The following SP140L variants were observed in gnomAD, a reference collection of about 807,000 sequenced individuals.
SP140L encodes nuclear body protein SP140-like protein.
Under a neutral mutation model 84.3 loss-of-function variants are expected in SP140L, and 64 were observed. That is an observed-to-expected ratio of 0.76 (90% CI 0.62 to 0.94). SP140L has a LOEUF of 0.94. Among genes scored for constraint, SP140L ranks in the 40% least tolerant of loss-of-function variants. SP140L has a pLI of 0.00. For synonymous variants in SP140L, 242 were observed against 236.9 expected, an observed-to-expected ratio of 1.02 and a Z score of -0.20; for missense variants, 628 against 692.5, an observed-to-expected ratio of 0.91 and a Z score of 1.05.
At chr2:230,390,591 T>C (rs1365448786) in intron 11 of SP140L, among the ~76,000 whole-genome samples, 1 of 152,206 alleles carries the variant, frequency 6.6e-6, no homozygotes, top group Non-Finnish European at 1.5e-5. Context: ...GTAAAATATT[T>C]TACGATTGAA....
At chr2:230,342,765 A>G (rs2060094646) in intron 2 of SP140L, among the ~76,000 whole-genome samples, 1 of 151,930 alleles carries the variant, frequency 6.6e-6, no homozygotes, top group Admixed American at 6.6e-5. Flanking sequence ...ATAAGTTTTA[A>G]GTTCTGTCTC....
At chr2:230,343,476 T>G (rs948670800) in intron 2 of SP140L, among the ~76,000 whole-genome samples, 3 of 147,916 alleles carry the variant, frequency 2.0e-5, no homozygotes, top group African/African-American at 7.5e-5. Context: ...CTTTATCCAG[T>G]CTATCATTGA....
intron 7 of SP140L, among the ~76,000 whole-genome samples, chr2:230,374,493 A>C (rs12470112): frequency 0.2 from 30,232 of 152,118 alleles, 3,440 homozygotes; most frequent in South Asian, 0.44. Flanking sequence ...CAAAGGATTT[A>C]GAATATATTA....
rs760808452 is a variant in SP140L at position 230,371,659 on chromosome 2, T to C, written c.637+8T>C. On this transcript the variant is annotated splice_region_variant and intron_variant, in intron 7 of 18. Transcript: ENST00000415673. ...AACCCAAGAGGAAAAGAAGTAAGAA[T>C]AAATAAGAATTTACTTGCTTTTGAT... 9.5e-6 allele frequency: 15 copies of C among 1,586,868 alleles called. No homozygotes were observed. The East Asian group carries it at 3.1e-4, about 33-fold the overall frequency.
In SP140L at chr2:230,403,194, A is replaced by C; in HGVS notation, c.*298A>C. The C allele has an allele frequency of 3.9e-6, 1 of 257,214 alleles. No homozygotes were observed. Among genetic ancestry groups the C allele is most frequent in the Non-Finnish European group, 7.2e-6 (1 of 138,224 alleles). 15.9% of individuals were successfully genotyped at this position (257,214 alleles called of 1,614,324 possible). On this transcript the variant is annotated 3_prime_UTR_variant, in exon 19 of 19. Transcript: ENST00000415673. ...GCTCCAGACAACATTTATTACTCAC[A>C]AGACCTTTTTCCTCCGTTTTTTTTT...
chr2:230,393,145 TG>T (rs2061895958), intron 12 of SP140L, among the ~76,000 whole-genome samples: 1 of 152,110 alleles, frequency 6.6e-6, no homozygotes, highest in Non-Finnish European at 1.5e-5. Context: ...AAGTGATAGA[TG>T]GTATGAGATT....
chr2:230,375,525 G>T (rs1175394570), intron 7 of SP140L, among the ~76,000 whole-genome samples: 7 of 152,042 alleles, frequency 4.6e-5, no homozygotes, highest in Non-Finnish European at 1.5e-5. Flanking sequence ...GCATACAGGG[G>T]TTCCTTTTCT....
chr2:230,400,489 C>G, intron 15 of SP140L: 1 of 517,690 alleles, frequency 1.9e-6, no homozygotes, highest in South Asian at 2.3e-5. Context: ...TGCCTACATA[C>G]TGGTATTGTC....
intron 2 of SP140L, among the ~76,000 whole-genome samples, chr2:230,343,327 T>C (rs2060116271): frequency 6.8e-6 from 1 of 147,746 alleles, no homozygotes. Flanking sequence ...AGTTAGAACA[T>C]GTGGTGTTTG....
chr2:230,374,411 A>G (rs2061180111), intron 7 of SP140L, among the ~76,000 whole-genome samples: 1 of 152,136 alleles, frequency 6.6e-6, no homozygotes, highest in African/African-American at 2.4e-5. Context: ...ATTATGGATG[A>G]TTAAAGAAAG....
At chr2:230,382,032 C>A (rs2061425107) in intron 7 of SP140L, among the ~76,000 whole-genome samples, 1 of 152,186 alleles carries the variant, frequency 6.6e-6, no homozygotes, top group Non-Finnish European at 1.5e-5. Flanking sequence ...GTTCCCAGTT[C>A]TGTTCGTTGT....
At chr2:230,362,945 C>T (rs2060764229) in intron 5 of SP140L, among the ~76,000 whole-genome samples, 1 of 151,704 alleles carries the variant, frequency 6.6e-6, no homozygotes, top group South Asian at 2.1e-4. Flanking sequence ...ACACAGAATC[C>T]TCATAGAAAG....
chr2:230,360,325 A>C (rs1248706893), intron 4 of SP140L, among the ~76,000 whole-genome samples: 3 of 152,224 alleles, frequency 2.0e-5, no homozygotes, highest in Non-Finnish European at 4.4e-5. Context: ...CTGGAATTGA[A>C]AGCTAAGGAA....
chr2:230,366,856 C>T (rs1183934099), intron 5 of SP140L, among the ~76,000 whole-genome samples: 1 of 151,952 alleles, frequency 6.6e-6, no homozygotes, highest in African/African-American at 2.4e-5. Context: ...CCTCAGCCTC[C>T]TGAGTAGCTG....
chr2:230,360,055 G>A (rs1032224720), intron 4 of SP140L, among the ~76,000 whole-genome samples: 21 of 146,368 alleles, frequency 1.4e-4, no homozygotes, highest in African/African-American at 4.7e-4. Context: ...AGTAAAGAAG[G>A]TGCCCTCTAT....
At chr2:230,399,162 C>A (rs1192351144) in intron 14 of SP140L, among the ~76,000 whole-genome samples, 2 of 152,198 alleles carry the variant, frequency 1.3e-5, no homozygotes, top group Non-Finnish European at 1.5e-5. Flanking sequence ...CATTTGTCTA[C>A]AATACAGCAT....
At chr2:230,374,360 G>A (rs1464085935) in intron 7 of SP140L, among the ~76,000 whole-genome samples, 3 of 151,834 alleles carry the variant, frequency 2.0e-5, no homozygotes, top group Admixed American at 6.6e-5. Context: ...TGACTGAATC[G>A]CTGTGATCTC....
intron 7 of SP140L, among the ~76,000 whole-genome samples, chr2:230,379,148 C>T (rs2061332798): frequency 6.6e-6 from 1 of 152,078 alleles, no homozygotes; most frequent in African/African-American, 2.4e-5. Context: ...TCTCTTGTAA[C>T]AGCACTTAGC....
At chr2:230,370,007 A>G (rs986736275) in intron 5 of SP140L, among the ~76,000 whole-genome samples, 9 of 147,824 alleles carry the variant, frequency 6.1e-5, no homozygotes, top group Non-Finnish European at 1.3e-4. Flanking sequence ...TTCCTGACTT[A>G]GTGATTTGCC....
Sources: gnomAD v4.1 joint callset for allele counts (sites outside exome capture counted in the v4.1 genomes callset) on GRCh38, gnomAD v4.1.1 for gene constraint, MANE v1.5 for transcripts, NCBI Gene and HGNC (gene_info 2026-07-23, HGNC 2026-07-21) for gene names.